Variants in CATSPERB observed in about 807,000 individuals in gnomAD.
CATSPERB encodes catsper channel auxiliary subunit beta.
Under a neutral mutation model 128.3 loss-of-function variants are expected in CATSPERB, and 93 were observed. The observed-to-expected ratio is 0.72, with a 90% CI of 0.61 to 0.86. The LOEUF (loss-of-function observed/expected upper bound fraction) is 0.86. CATSPERB is among the 40% of genes least tolerant of loss of function. The pLI is 0.00. For synonymous variants in CATSPERB, 381 were observed against 448.8 expected, an observed-to-expected ratio of 0.85 and a Z score of 1.91; for missense variants, 1,153 against 1,329.5, an observed-to-expected ratio of 0.87 and a Z score of 2.06.
chr14:91,599,092 C>T (rs1243342913), intron 22 of CATSPERB, among the ~76,000 whole-genome samples: 1 of 152,080 alleles, frequency 6.6e-6, no homozygotes, highest in East Asian at 1.9e-4. Flanking sequence ...TGGAGGGGTG[C>T]TCTCAGACCT....
At position 91,676,982 on chromosome 14, in the gene CATSPERB, C is replaced by T. The variant is rs147956347; in HGVS notation, c.932-2760G>A. Among the ~76,000 whole-genome samples the T allele has an allele frequency of 4.7e-3, 715 of 152,304 alleles. 2 individuals carry two copies. The highest frequency in any genetic ancestry group is 0.016 in the African/African-American group (665 of 41,552). ...AAACAAGCAATGGGGAAAGAATTCC[C>T]TATTTAATAAATGGTGCTGGGAAAA... is the stretch of plus-strand genomic sequence containing the variant. On this transcript the variant is annotated intron_variant, in intron 11 of 26. Coordinates refer to ENST00000256343, the MANE Select transcript of CATSPERB (RefSeq NM_024764.4).
At chr14:91,728,961 A>C (rs1253394878) in intron 2 of CATSPERB, among the ~76,000 whole-genome samples, 2 of 152,226 alleles carry the variant, frequency 1.3e-5, no homozygotes, top group Non-Finnish European at 2.9e-5. Context: ...AGCCAACCAT[A>C]GTCTAAAAAC....
At chr14:91,714,277 C>CAAAAAAA (rs35951126) in intron 5 of CATSPERB, among the ~76,000 whole-genome samples, 70 of 111,048 alleles carry the variant, frequency 6.3e-4, no homozygotes, top group Non-Finnish European at 8.6e-4. Flanking sequence ...TACAATAAGG[C>CAAAAAAA]AAAAAAAAAA....
In CATSPERB at chr14:91,707,575, C is replaced by CTTTTT. The variant is rs539712771; in HGVS notation, c.466+561_466+565dup. On this transcript the variant is annotated intron_variant, in intron 6 of 26. Transcript: ENST00000256343. ...GTGGCCACAGTAAAATATGTACTTC[C>CTTTTT]TTTTTTTTTTTTTTTTTTTTTTTTT... 1.2e-4 allele frequency among the ~76,000 whole-genome samples: 7 copies of CTTTTT among 58,288 alleles called. 1 individual carries two copies. Among genetic ancestry groups the CTTTTT allele is most frequent in the Non-Finnish European group, 1.8e-4 (6 of 32,544 alleles). 38.2% of individuals were successfully genotyped at this position (58,288 alleles called of 152,430 possible). A position where few individuals can be genotyped will look rare whatever the true frequency, so the allele number is the denominator to read the frequency against.
chr14:91,693,943 A>G (rs1895514663), intron 7 of CATSPERB, among the ~76,000 whole-genome samples: 1 of 152,092 alleles, frequency 6.6e-6, no homozygotes, highest in Non-Finnish European at 1.5e-5. Context: ...TTATCACTGG[A>G]GATAGGGAAC....
rs144648601 is a variant in CATSPERB, at chr14:91,729,736, AC to A, written c.1-258del. 4.9e-3 allele frequency among the ~76,000 whole-genome samples: 740 copies of A among 152,330 alleles called. 6 individuals carry two copies. Among genetic ancestry groups the A allele is most frequent in the African/African-American group, 0.017 (699 of 41,582 alleles). On this transcript the variant is annotated intron_variant, in intron 1 of 26. Coordinates refer to ENST00000256343, the MANE Select transcript of CATSPERB (RefSeq NM_024764.4). ...GGCTCAGGTTTTCCTTCAGTAGGTA[AC>A]CTTTAGAGAGGTGAGATCAGTTACA... is the stretch of plus-strand genomic sequence containing the variant.
chr14:91,648,535 A>G (rs1456799278), intron 15 of CATSPERB, among the ~76,000 whole-genome samples: 3 of 152,174 alleles, frequency 2.0e-5, no homozygotes, highest in African/African-American at 7.2e-5. Flanking sequence ...ACTTCAGTTG[A>G]TTCCTTCTCA....
intron 20 of CATSPERB, among the ~76,000 whole-genome samples, chr14:91,613,446 G>C (rs1893871685): frequency 6.6e-6 from 1 of 152,052 alleles, no homozygotes; most frequent in South Asian, 2.1e-4. Context: ...CCTAATTTCA[G>C]GGAAAAAAAA....
At chr14:91,659,740 G>A (rs1894842391) in intron 15 of CATSPERB, 97 bp downstream of exon 15, 1 of 1,168,550 alleles carries the variant, frequency 8.6e-7, no homozygotes, top group Non-Finnish European at 1.2e-6. Context: ...ATAGTTTTGA[G>A]GTCTTAGGAT....
In CATSPERB at chr14:91,587,190, C is replaced by T. The variant is rs761345823; in HGVS notation, c.3132+12G>A. 2 of 1,590,474 alleles carry T rather than the reference C, an allele frequency of 1.3e-6. No homozygotes were observed. The highest frequency in any genetic ancestry group is 1.7e-6 in the Non-Finnish European group (2 of 1,167,016). ...GCCATCACCCCTCTGATGCCAAGTG[C>T]ATCCATTTTACCTGAAATTCTTCAA... On this transcript the variant is annotated intron_variant, in intron 26 of 26. Transcript: ENST00000256343.
chr14:91,623,029 G>A (rs1894083478), intron 18 of CATSPERB, among the ~76,000 whole-genome samples: 1 of 151,940 alleles, frequency 6.6e-6, no homozygotes, highest in South Asian at 2.1e-4. Context: ...CAAGTAGCTG[G>A]AATTACAGGC....
chr14:91,605,850 GATCTACTACTGGCCT>G (rs1384620082), intron 22 of CATSPERB, among the ~76,000 whole-genome samples: 4 of 152,172 alleles, frequency 2.6e-5, no homozygotes, highest in African/African-American at 9.7e-5. Context: ...TTTTGTGTCT[GATCTACTACTGGCCT>G]ATCTTAAACT....
intron 6 of CATSPERB, among the ~76,000 whole-genome samples, chr14:91,705,865 C>G (rs1288975085): frequency 6.6e-6 from 1 of 152,072 alleles, no homozygotes; most frequent in African/African-American, 2.4e-5. Context: ...AATTTTAAAA[C>G]TTAAAATATT....
At chr14:91,673,754 G>GTGCC (rs1260664655) in intron 12 of CATSPERB, among the ~76,000 whole-genome samples, 1 of 151,970 alleles carries the variant, frequency 6.6e-6, no homozygotes, top group Non-Finnish European at 1.5e-5. Flanking sequence ...ATGGTGGAGC[G>GTGCC]TGCCTGTAGT....
chr14:91,596,796 A>C (rs1282924056), intron 22 of CATSPERB, among the ~76,000 whole-genome samples: 1 of 152,230 alleles, frequency 6.6e-6, no homozygotes, highest in Non-Finnish European at 1.5e-5. Flanking sequence ...TGCTTCCTGT[A>C]TAATTTTTAC....
intron 1 of CATSPERB, among the ~76,000 whole-genome samples, chr14:91,730,768 T>A (rs1896197480): frequency 6.6e-6 from 1 of 152,372 alleles, no homozygotes; most frequent in South Asian, 2.1e-4. Context: ...ATGTAACTGG[T>A]GTTTTTCCTT....
intron 20 of CATSPERB, among the ~76,000 whole-genome samples, chr14:91,615,738 C>T (rs900520104): frequency 2.6e-5 from 4 of 152,060 alleles, no homozygotes; most frequent in African/African-American, 9.7e-5. Context: ...CTTGGCTGTC[C>T]TGAATAGTGC....
chr14:91,649,553 G>C (rs1442166888), intron 15 of CATSPERB, among the ~76,000 whole-genome samples: 2 of 150,734 alleles, frequency 1.3e-5, no homozygotes, highest in African/African-American at 4.9e-5. Flanking sequence ...CTGGAGTGCA[G>C]TGGCACGAAC....
At chr14:91,627,009 C>A (rs548017125) in intron 17 of CATSPERB, among the ~76,000 whole-genome samples, 2 of 152,262 alleles carry the variant, frequency 1.3e-5, no homozygotes, top group East Asian at 3.9e-4. Flanking sequence ...ACAAAATATA[C>A]CAAAAATAGC....
Sources: gnomAD v4.1 joint callset for allele counts (sites outside exome capture counted in the v4.1 genomes callset) on GRCh38, gnomAD v4.1.1 for gene constraint, MANE v1.5 for transcripts, NCBI Gene and HGNC (gene_info 2026-07-23, HGNC 2026-07-21) for gene names.